Variants in CLOCK observed in about 807,000 individuals in gnomAD.
CLOCK encodes the protein clock circadian regulator.
Under a neutral mutation model 118.4 loss-of-function variants are expected in CLOCK, and 43 were observed. That is an observed-to-expected ratio of 0.36 (90% CI 0.28 to 0.47). The LOEUF (loss-of-function observed/expected upper bound fraction) is 0.47, where lower values mean the gene tolerates loss of function less well. CLOCK is among the 20% of genes least tolerant of loss of function. CLOCK has a pLI of 1.00. For missense variants in CLOCK, 846 were observed against 999.9 expected, an observed-to-expected ratio of 0.85 and a Z score of 2.08; for synonymous variants, 326 against 339.2, an observed-to-expected ratio of 0.96 and a Z score of 0.43.
intron 1 of CLOCK, chr4:55,545,430 C>G (rs951079836): frequency 6.6e-6 from 1 of 152,166 alleles, no homozygotes; most frequent in Non-Finnish European, 1.5e-5. Context: ...CAAATCAGAA[C>G]GCAATCTTCA....
At chr4:55,436,691 CTCTT>C (rs1292440279) in intron 22 of CLOCK, among the ~76,000 whole-genome samples, 3 of 152,150 alleles carry the variant, frequency 2.0e-5, no homozygotes, top group Non-Finnish European at 2.9e-5. Flanking sequence ...TTTTCTTTCT[CTCTT>C]TGTTATTAGG....
intron 2 of CLOCK, among the ~76,000 whole-genome samples, chr4:55,502,585 G>C (rs906457556): frequency 1.3e-5 from 2 of 152,114 alleles, no homozygotes; most frequent in African/African-American, 4.8e-5. Flanking sequence ...GTTTATAGAA[G>C]AAAACATAGA....
At chr4:55,461,359 A>G (rs1403826286) in intron 9 of CLOCK, among the ~76,000 whole-genome samples, 2 of 152,170 alleles carry the variant, frequency 1.3e-5, no homozygotes, top group African/African-American at 4.8e-5. Flanking sequence ...AGCAACTTTT[A>G]TAAGCAAGGT....
chr4:55,472,588 T>C (rs1309599510), intron 7 of CLOCK, among the ~76,000 whole-genome samples: 5 of 152,218 alleles, frequency 3.3e-5, no homozygotes, highest in Non-Finnish European at 5.9e-5. Flanking sequence ...GAACCATGTA[T>C]ATCTTATTAA....
At chr4:55,456,665 A>ATGTATGTATATATTTACC (rs1317418881) in intron 11 of CLOCK, among the ~76,000 whole-genome samples, 1 of 151,988 alleles carries the variant, frequency 6.6e-6, no homozygotes, top group African/African-American at 2.4e-5. Context: ...AGTTGTTTCT[A>ATGTATGTATATATTTACC]TGTATGTATA....
chr4:55,487,369 T>C (rs567374042), intron 3 of CLOCK, among the ~76,000 whole-genome samples: 9 of 152,310 alleles, frequency 5.9e-5, no homozygotes, highest in Admixed American at 4.6e-4. Context: ...TTAACTTTAC[T>C]GTAGGGCTAT....
intron 3 of CLOCK, among the ~76,000 whole-genome samples, chr4:55,484,388 G>A (rs947960215): frequency 1.3e-5 from 2 of 151,946 alleles, no homozygotes; most frequent in African/African-American, 2.4e-5. Flanking sequence ...GAGTGACAGA[G>A]TCAAAGATAG....
chr4:55,458,401 A>G (rs755548136), intron 11 of CLOCK, among the ~76,000 whole-genome samples: 15 of 151,996 alleles, frequency 9.9e-5, no homozygotes, highest in African/African-American at 1.7e-4. Flanking sequence ...GCCTCTTTCC[A>G]GTCAGTTTCT....
chr4:55,528,301 A>G (rs1373443569), intron 1 of CLOCK, among the ~76,000 whole-genome samples: 1 of 151,936 alleles, frequency 6.6e-6, no homozygotes, highest in African/African-American at 2.4e-5. Context: ...AGCCGAGATC[A>G]TGCCATTGCT....
intron 7 of CLOCK, among the ~76,000 whole-genome samples, chr4:55,474,478 A>T (rs1726358749): frequency 6.6e-6 from 1 of 152,238 alleles, no homozygotes; most frequent in African/African-American, 2.4e-5. Flanking sequence ...AAGATCATTG[A>T]TGAAGGTCGC....
In CLOCK at chr4:55,434,637, A is replaced by C. The variant is rs1415902753; in HGVS notation, c.*778T>G. The C allele has an allele frequency of 2.0e-5, 3 of 152,664 alleles. No homozygotes were observed. Among genetic ancestry groups the C allele is most frequent in the African/African-American group, 4.8e-5 (2 of 41,464 alleles). The allele number at this position is 152,664 out of a possible 1,614,324, so 9.5% of individuals were successfully genotyped here. A position where few individuals can be genotyped will look rare whatever the true frequency, so the allele number is the denominator to read the frequency against. On this transcript the variant is annotated 3_prime_UTR_variant, in exon 23 of 23. Coordinates refer to ENST00000513440, the MANE Select transcript of CLOCK (RefSeq NM_004898.4). ...AGCAGCACATCATACCTCACTGAAC[A>C]AACTGTGACATCACAGCCAAAGTAT...
At chr4:55,478,740 A>C in intron 6 of CLOCK, 75 bp downstream of exon 6, 5 of 1,443,260 alleles carry the variant, frequency 3.5e-6, no homozygotes, top group Non-Finnish European at 4.8e-6. Context: ...GGAAGCATCC[A>C]ATCTTAAGCA....
At chr4:55,532,215 T>A (rs192310083) in intron 1 of CLOCK, among the ~76,000 whole-genome samples, 1 of 152,258 alleles carries the variant, frequency 6.6e-6, no homozygotes, top group East Asian at 1.9e-4. Flanking sequence ...GCTAACATCC[T>A]ATTCAATGGT....
chr4:55,539,172 C>T (rs369858674), intron 1 of CLOCK, among the ~76,000 whole-genome samples: 36 of 152,132 alleles, frequency 2.4e-4, no homozygotes, highest in African/African-American at 8.4e-4. Context: ...GAGGCAGAAG[C>T]TGCAGTGAGC....
In CLOCK at chr4:55,507,757, A is replaced by G. The variant is rs188787511; in HGVS notation, c.-136+2155T>C. ...GGAATGATTTTGATCATGCATAGACATAACAGTTATTGGAACTGGCACATA... is the reference window on the plus strand; with the variant it reads ...GGAATGATTTTGATCATGCATAGACGTAACAGTTATTGGAACTGGCACATA... On this transcript the variant is annotated intron_variant, in intron 2 of 22. Transcript: ENST00000513440. Among the ~76,000 whole-genome samples, 49 of 152,376 alleles carry G rather than the reference A, an allele frequency of 3.2e-4. No homozygotes were observed. The East Asian group carries it at 4.0e-3, about 13-fold the overall frequency.
In CLOCK at chr4:55,449,469, G is replaced by T; in HGVS notation, c.1376C>A (p.Thr459Lys). Reference sequence around the variant, plus strand: ...TAAATGCTGCCTGGGTGGAGTGCTCGTATCCGTCGGGATCTTGGTTGGTGT... The same window carrying T: ...TAAATGCTGCCTGGGTGGAGTGCTCTTATCCGTCGGGATCTTGGTTGGTGT... ...SSTPTKIPTDTSTPPRQHLPA... is the reference protein window; with the variant it reads ...SSTPTKIPTDKSTPPRQHLPA... Residue 459 changes from threonine (T) to lysine (K), a missense_variant, in exon 17 of 23, where the codon ACG becomes AAG. Thr to Lys is a moderately conservative substitution (Grantham distance 78). Around this residue, in one of 4 missense-constraint regions of CLOCK, gnomAD observed 520 missense variants for 558.0 expected, o/e 0.93. Transcript: ENST00000513440. 1 of 1,613,960 alleles carries T rather than the reference G, an allele frequency of 6.2e-7. No homozygotes were observed. Among genetic ancestry groups the T allele is most frequent in the South Asian group, 1.1e-5 (1 of 91,082 alleles).
chr4:55,467,807 C>T (rs778267970), intron 8 of CLOCK, among the ~76,000 whole-genome samples: 5 of 152,056 alleles, frequency 3.3e-5, no homozygotes, highest in African/African-American at 7.2e-5. Flanking sequence ...TCATGTTTTA[C>T]TCTCAAACAT....
intron 2 of CLOCK, among the ~76,000 whole-genome samples, chr4:55,509,333 TA>T (rs1728998923): frequency 6.6e-6 from 1 of 152,222 alleles, no homozygotes; most frequent in African/African-American, 2.4e-5. Flanking sequence ...GCTTTACTCA[TA>T]AACACTAAAA....
chr4:55,491,613 G>A lies in CLOCK; in HGVS notation c.-135-2148C>T, dbSNP rs541564020. On this transcript the variant is annotated intron_variant, in intron 2 of 22. Transcript: ENST00000513440. ...TTCCTAGAAATATGCCATCTACCAC[G>A]AAGGCTGAATCATGAATAGAAAAAT... 3.3e-5 allele frequency among the ~76,000 whole-genome samples: 5 copies of A among 152,118 alleles called. No individual in the cohort carries two copies. The East Asian group carries it at 5.8e-4, about 18-fold the overall frequency.
Sources: gnomAD v4.1 joint callset for allele counts (sites outside exome capture counted in the v4.1 genomes callset) on GRCh38, gnomAD v4.1.1 for gene constraint, gnomAD v4.1.1 regional missense constraint, MANE v1.5 for transcripts, NCBI Gene and HGNC (gene_info 2026-07-23, HGNC 2026-07-21) for gene names.